ZRANB3: variants seen among roughly 807,000 people sequenced by gnomAD.
The protein encoded by ZRANB3 is zinc finger RANBP2-type containing 3.
ZRANB3 carries 125 observed loss-of-function variants against 133.8 expected under a neutral mutation model. The ratio of observed to expected loss-of-function variants is 0.93; its 90% CI spans 0.81 to 1.08. ZRANB3 has a LOEUF of 1.08. Among genes scored for constraint, ZRANB3 ranks in the 50% least tolerant of loss-of-function variants. ZRANB3 has a pLI of 0.00. For missense variants in ZRANB3, 1,229 were observed against 1,275.5 expected (o/e 0.96, Z 0.56); for synonymous variants, 387 against 432.7 (o/e 0.89, Z 1.31).
intron 2 of ZRANB3, among the ~76,000 whole-genome samples, chr2:135,470,776 A>AT (rs1302756204): frequency 6.6e-6 from 1 of 151,022 alleles, no homozygotes; most frequent in African/African-American, 2.4e-5. Context: ...ACAGAAAATA[A>AT]TTTTTTTAAT....
intron 2 of ZRANB3, among the ~76,000 whole-genome samples, chr2:135,416,684 C>T (rs1688588886): frequency 6.6e-6 from 1 of 151,720 alleles, no homozygotes; most frequent in African/African-American, 2.4e-5. Context: ...AAGCTGGAGG[C>T]ATCACACTAC....
At chr2:135,308,448 T>C (rs1227418757) in intron 8 of ZRANB3, among the ~76,000 whole-genome samples, 5 of 152,180 alleles carry the variant, frequency 3.3e-5, no homozygotes, top group Admixed American at 2.6e-4. Flanking sequence ...GCTCCACTAA[T>C]GGATATGCTC....
chr2:135,319,512 T>C (rs1002061411), intron 6 of ZRANB3, among the ~76,000 whole-genome samples: 12 of 151,972 alleles, frequency 7.9e-5, no homozygotes. Flanking sequence ...TGTGTGTACA[T>C]ATATTTCTAA....
Position 135,262,424 on chromosome 2 carries a change from T to C in ZRANB3, c.1539+3110A>G, listed in dbSNP as rs553357065. On this transcript the variant is annotated intron_variant, in intron 12 of 20. Coordinates refer to ENST00000264159, the MANE Select transcript of ZRANB3 (RefSeq NM_032143.4). ...ATATTAATTTTATTCCTATAATTTCTGATCAGTTCTTTGAAAAATTAAAAT... is the reference window on the plus strand; with the variant it reads ...ATATTAATTTTATTCCTATAATTTCCGATCAGTTCTTTGAAAAATTAAAAT... Among the ~76,000 whole-genome samples the C allele has an allele frequency of 5.9e-5, 9 of 152,308 alleles. No homozygotes were observed. The East Asian group carries it at 1.7e-3, about 29-fold the overall frequency.
At chr2:135,266,984 C>G (rs940704013) in intron 11 of ZRANB3, among the ~76,000 whole-genome samples, 2 of 152,144 alleles carry the variant, frequency 1.3e-5, no homozygotes, top group African/African-American at 4.8e-5. Context: ...CCCTCCACCC[C>G]ACCTTGCATA....
At chr2:135,500,520 T>C (rs559062673) in intron 2 of ZRANB3, among the ~76,000 whole-genome samples, 2 of 152,136 alleles carry the variant, frequency 1.3e-5, no homozygotes, top group African/African-American at 4.8e-5. Context: ...TACAAAAGAA[T>C]ATACAATTAC....
chr2:135,295,017 CTA>C (rs1225050876), intron 8 of ZRANB3, among the ~76,000 whole-genome samples: 2 of 151,994 alleles, frequency 1.3e-5, no homozygotes, highest in African/African-American at 4.8e-5. Context: ...TTACTTCTAA[CTA>C]TGTGGTTAAT....
At chr2:135,410,107 G>A (rs1288080466) in intron 2 of ZRANB3, among the ~76,000 whole-genome samples, 2 of 152,054 alleles carry the variant, frequency 1.3e-5, no homozygotes, top group African/African-American at 4.8e-5. Context: ...AACTACCAAT[G>A]GCATTCTTCA....
At chr2:135,331,864 G>C (rs960672035) in intron 6 of ZRANB3, among the ~76,000 whole-genome samples, 1 of 151,228 alleles carries the variant, frequency 6.6e-6, no homozygotes, top group African/African-American at 2.4e-5. Context: ...CAGACACTAG[G>C]AGACTTTTAC....
chr2:135,452,082 G>A (rs1431711762), intron 2 of ZRANB3, among the ~76,000 whole-genome samples: 1 of 152,128 alleles, frequency 6.6e-6, no homozygotes, highest in African/African-American at 2.4e-5. Flanking sequence ...AAGAAATAGA[G>A]TTTTAATTGG....
chr2:135,311,581 T>TA (rs372719391), intron 8 of ZRANB3, among the ~76,000 whole-genome samples: 6,668 of 139,586 alleles, frequency 0.048, 461 homozygotes, highest in African/African-American at 0.16. Flanking sequence ...GGTGAAAGAA[T>TA]AAAAAAAAAA....
chr2:135,214,999 C>G (rs1033001814), intron 17 of ZRANB3, among the ~76,000 whole-genome samples: 2 of 152,190 alleles, frequency 1.3e-5, no homozygotes, highest in Non-Finnish European at 2.9e-5. Context: ...CTTATCGCAG[C>G]CTTGACCTCC....
chr2:135,333,589 T>C (rs1684246260), intron 6 of ZRANB3, among the ~76,000 whole-genome samples: 1 of 152,176 alleles, frequency 6.6e-6, no homozygotes, highest in African/African-American at 2.4e-5. Flanking sequence ...ATAAATCTAA[T>C]GATGTTTGTT....
In ZRANB3 at chr2:135,240,857, G is replaced by A. The variant is rs1411962391; in HGVS notation, c.1540-9930C>T. ...GGCCCCCCAAAGTGGTGGAATTACA[G>A]GCGTGAGCCACCATGCCTGACCTCT... On this transcript the variant is annotated intron_variant, in intron 12 of 20. Coordinates refer to ENST00000264159, the MANE Select transcript of ZRANB3 (RefSeq NM_032143.4). Among the ~76,000 whole-genome samples, 16 of 152,354 alleles carry A rather than the reference G, an allele frequency of 1.1e-4. No individual in the cohort carries two copies. In the East Asian group the frequency reaches 3.1e-3, roughly 29 times the overall value.
At chr2:135,227,399 TTAAGTA>T (rs755513118) in intron 14 of ZRANB3, among the ~76,000 whole-genome samples, 1 of 152,226 alleles carries the variant, frequency 6.6e-6, no homozygotes, top group South Asian at 2.1e-4. Context: ...AATATGCCAA[TTAAGTA>T]TAACTATTTA....
At chr2:135,244,315 A>T (rs1695688090) in intron 12 of ZRANB3, among the ~76,000 whole-genome samples, 1 of 152,100 alleles carries the variant, frequency 6.6e-6, no homozygotes, top group Non-Finnish European at 1.5e-5. Flanking sequence ...TACTAAAAAC[A>T]CAAAAATTAG....
intron 2 of ZRANB3, among the ~76,000 whole-genome samples, chr2:135,407,264 A>C (rs1574055028): frequency 3.0e-5 from 4 of 132,728 alleles, no homozygotes; most frequent in Admixed American, 2.1e-4. Context: ...CCAACTTACA[A>C]GGGACATGAA....
At chr2:135,251,343 G>T (rs1173451468) in intron 12 of ZRANB3, among the ~76,000 whole-genome samples, 3 of 152,176 alleles carry the variant, frequency 2.0e-5, no homozygotes, top group Non-Finnish European at 4.4e-5. Flanking sequence ...TTTGGACTGT[G>T]GACTTCTGGG....
Position 135,398,243 on chromosome 2 carries a change from T to G in ZRANB3, c.162-7423A>C, listed in dbSNP as rs7558545. ...ACCACACCCGGCTAATTGTTTTGTTTTTTTAGTAGAGACGGGGTTTCACCG... is the reference window on the plus strand; with the variant it reads ...ACCACACCCGGCTAATTGTTTTGTTGTTTTAGTAGAGACGGGGTTTCACCG... On this transcript the variant is annotated intron_variant, in intron 2 of 20. Coordinates refer to ENST00000264159, the MANE Select transcript of ZRANB3 (RefSeq NM_032143.4). 7.4e-3 allele frequency among the ~76,000 whole-genome samples: 1,119 copies of G among 151,756 alleles called. 11 individuals carry two copies. The highest frequency in any genetic ancestry group is 0.026 in the African/African-American group (1,069 of 41,324).
Sources: allele counts gnomAD v4.1 joint callset (sites outside exome capture counted in the v4.1 genomes callset), GRCh38; gene constraint gnomAD v4.1.1; transcripts MANE v1.5; gene names NCBI Gene and HGNC (gene_info 2026-07-23, HGNC 2026-07-21).